The following SORCS3 variants were observed in gnomAD, a reference collection of about 807,000 sequenced individuals.
SORCS3 encodes VPS10 domain-containing receptor SorCS3.
In SORCS3, 57 loss-of-function variants were observed where a neutral mutation model predicts 146.3. The ratio of observed to expected loss-of-function variants is 0.39; its 90% confidence interval spans 0.31 to 0.49. The LOEUF is 0.49. Among genes scored for constraint, SORCS3 ranks in the 20% least tolerant of loss-of-function variants. The pLI is 0.92. For synonymous variants in SORCS3, 653 were observed against 618.5 expected (o/e 1.06, Z -0.83); for missense variants, 1,341 against 1,575.5 (o/e 0.85, Z 2.52).
At chr10:104,867,583 A>G (rs2018473890) in intron 2 of SORCS3, among the ~76,000 whole-genome samples, 1 of 152,138 alleles carries the variant, frequency 6.6e-6, no homozygotes, top group East Asian at 1.9e-4. Flanking sequence ...TACTGAGATT[A>G]CAGGCGTGAG....
intron 12 of SORCS3, among the ~76,000 whole-genome samples, chr10:105,166,112 CATT>C (rs2056310481): frequency 6.6e-6 from 1 of 152,082 alleles, no homozygotes; most frequent in Non-Finnish European, 1.5e-5. Context: ...TGGGGCTCAT[CATT>C]AATAGGGACA....
intron 13 of SORCS3, among the ~76,000 whole-genome samples, chr10:105,171,007 A>G (rs545190846): frequency 8.5e-5 from 13 of 152,308 alleles, no homozygotes; most frequent in African/African-American, 3.1e-4. Context: ...TTTCTGTCAT[A>G]GATCTCAGAC....
At chr10:105,121,064 A>G (rs1445043134) in intron 7 of SORCS3, among the ~76,000 whole-genome samples, 1 of 152,152 alleles carries the variant, frequency 6.6e-6, no homozygotes, top group Non-Finnish European at 1.5e-5. Flanking sequence ...AGACTACAAG[A>G]GTTTCTATCA....
chr10:105,111,976 G>A (rs775400555), intron 7 of SORCS3, among the ~76,000 whole-genome samples: 13 of 152,326 alleles, frequency 8.5e-5, no homozygotes, highest in African/African-American at 2.6e-4. Flanking sequence ...GGAGGGAGTG[G>A]AGTGGTAGAA....
chr10:105,036,702 C>CA (rs2055308584), intron 4 of SORCS3, among the ~76,000 whole-genome samples: 1 of 152,204 alleles, frequency 6.6e-6, no homozygotes, highest in Middle Eastern at 3.2e-3. Flanking sequence ...TGGTTTCTTT[C>CA]CTGTCTATTA....
At chr10:104,944,383 A>C (rs1299151734) in intron 3 of SORCS3, among the ~76,000 whole-genome samples, 1 of 152,214 alleles carries the variant, frequency 6.6e-6, no homozygotes, top group African/African-American at 2.4e-5. Context: ...AAATGAAATA[A>C]AGAATTATTT....
intron 3 of SORCS3, among the ~76,000 whole-genome samples, chr10:104,952,118 A>G (rs1174665493): frequency 6.6e-6 from 1 of 151,660 alleles, no homozygotes. Flanking sequence ...GACCAGTAGC[A>G]TTGACATCAC....
At chr10:104,876,961 C>T (rs777424264) in intron 2 of SORCS3, among the ~76,000 whole-genome samples, 2 of 152,080 alleles carry the variant, frequency 1.3e-5, no homozygotes, top group African/African-American at 2.4e-5. Flanking sequence ...GCCCAAGCCT[C>T]CTAAGTAGCT....
In SORCS3 at chr10:104,652,059, A is replaced by ATGCG. The variant is rs938879972; in HGVS notation, c.627+10107_627+10108insCGTG. Among the ~76,000 whole-genome samples, 627 of 149,042 alleles carry ATGCG rather than the reference A, an allele frequency of 4.2e-3. 1 individual carries two copies. Among genetic ancestry groups the ATGCG allele is most frequent in the Admixed American group, 4.9e-3 (73 of 14,828 alleles). On this transcript the variant is annotated intron_variant, in intron 1 of 26. Transcript: ENST00000369701. ...AACCCCAGTTTTAAATATATTTTAA[A>ATGCG]TGTGTGTGTGTGTGTGTGTGTGTGT...
chr10:104,776,349 T>C (rs1448599711), intron 1 of SORCS3, among the ~76,000 whole-genome samples: 1 of 152,146 alleles, frequency 6.6e-6, no homozygotes, highest in Non-Finnish European at 1.5e-5. Flanking sequence ...TATGTGTATT[T>C]TGAGTTCTTT....
At chr10:104,883,903 T>C (rs7914784) in intron 2 of SORCS3, among the ~76,000 whole-genome samples, 54,464 of 151,238 alleles carry the variant, frequency 0.36, 12,810 homozygotes, top group African/African-American at 0.67. Context: ...CTCCTGGGTT[T>C]TCTTTTTCCT....
chr10:105,145,109 C>A (rs898852704), intron 8 of SORCS3, among the ~76,000 whole-genome samples: 5 of 149,974 alleles, frequency 3.3e-5, no homozygotes, highest in Non-Finnish European at 7.4e-5. Context: ...GCTGTATGTG[C>A]ATTTTAGGTT....
intron 1 of SORCS3, among the ~76,000 whole-genome samples, chr10:104,757,652 T>C (rs1401910727): frequency 6.6e-6 from 1 of 152,232 alleles, no homozygotes; most frequent in African/African-American, 2.4e-5. Flanking sequence ...GGATATTGCC[T>C]TTTGGTGGTG....
At chr10:104,769,269 C>A (rs1198059095) in intron 1 of SORCS3, among the ~76,000 whole-genome samples, 1 of 152,206 alleles carries the variant, frequency 6.6e-6, no homozygotes, top group Non-Finnish European at 1.5e-5. Flanking sequence ...TCCCTACCAG[C>A]CCACAGCCAG....
intron 1 of SORCS3, among the ~76,000 whole-genome samples, chr10:104,708,268 C>T (rs2016370491): frequency 6.6e-6 from 1 of 152,212 alleles, no homozygotes; most frequent in African/African-American, 2.4e-5. Context: ...TAATTGGTGC[C>T]CCGGATCAGC....
At chr10:104,737,852 C>T (rs9663428) in intron 1 of SORCS3, among the ~76,000 whole-genome samples, 114,560 of 143,918 alleles carry the variant, frequency 0.8, 45,879 homozygotes, top group East Asian at 0.94. Flanking sequence ...TCCTTGCCCA[C>T]GCCTATGTCC....
chr10:104,799,618 A>C (rs2017600611), intron 1 of SORCS3, among the ~76,000 whole-genome samples: 1 of 152,142 alleles, frequency 6.6e-6, no homozygotes, highest in African/African-American at 2.4e-5. Flanking sequence ...GGCTGCAACA[A>C]ACCACCAGGG....
intron 1 of SORCS3, among the ~76,000 whole-genome samples, chr10:104,748,405 T>C (rs193255611): frequency 8.1e-4 from 124 of 152,342 alleles, no homozygotes; most frequent in Non-Finnish European, 2.1e-4. Context: ...CAGTTTATTT[T>C]CCTTTCTTTT....
chr10:104,898,725 G>A (rs926679509), intron 2 of SORCS3, among the ~76,000 whole-genome samples: 3 of 152,130 alleles, frequency 2.0e-5, no homozygotes, highest in Non-Finnish European at 1.5e-5. Context: ...ATTCATTTTC[G>A]GACTCACCAA....
Sources: allele counts gnomAD v4.1 joint callset (sites outside exome capture counted in the v4.1 genomes callset), GRCh38; gene constraint gnomAD v4.1.1; transcripts MANE v1.5; gene names NCBI Gene and HGNC (gene_info 2026-07-23, HGNC 2026-07-21).